The following KAZN variants were observed in gnomAD, a reference collection of about 807,000 sequenced individuals.
KAZN encodes the protein kazrin, periplakin interacting protein, also known as kazrin.
In KAZN, 40 loss-of-function variants were observed where a neutral mutation model predicts 87.4. The ratio of observed to expected loss-of-function variants is 0.46; its 90% CI spans 0.36 to 0.60. The LOEUF (loss-of-function observed/expected upper bound fraction) is 0.60, where lower values mean the gene tolerates loss of function less well. KAZN is among the 20% of genes least tolerant of loss of function. The pLI is 0.00. For missense variants in KAZN, 898 were observed against 1,073.9 expected (o/e 0.84, Z 2.29); for synonymous variants, 466 against 458.3 (o/e 1.02, Z -0.22).
intron 1 of KAZN, among the ~76,000 whole-genome samples, chr1:14,784,626 G>A (rs1257154225): frequency 2.0e-5 from 3 of 152,184 alleles, no homozygotes; most frequent in Non-Finnish European, 4.4e-5. Flanking sequence ...AAGCGTGGTG[G>A]CACATGCCTC....
intron 1 of KAZN, among the ~76,000 whole-genome samples, chr1:14,037,183 C>T (rs1641596958): frequency 6.6e-6 from 1 of 152,194 alleles, no homozygotes; most frequent in Admixed American, 6.5e-5. Context: ...GACCTCTCTC[C>T]ATGCCAGTAA....
chr1:13,910,843 G>A (rs998729744), intron 1 of KAZN, among the ~76,000 whole-genome samples: 3 of 152,034 alleles, frequency 2.0e-5, no homozygotes, highest in African/African-American at 7.2e-5. Flanking sequence ...CTGCTATAAA[G>A]AAATACCTGA....
At chr1:14,142,591 T>C (rs1645263922) in intron 1 of KAZN, among the ~76,000 whole-genome samples, 1 of 152,250 alleles carries the variant, frequency 6.6e-6, no homozygotes, top group Non-Finnish European at 1.5e-5. Context: ...CCAAGACTCC[T>C]GAGTGAAGGA....
intron 1 of KAZN, among the ~76,000 whole-genome samples, chr1:14,791,080 T>C (rs1220841230): frequency 6.6e-6 from 1 of 152,196 alleles, no homozygotes; most frequent in African/African-American, 2.4e-5. Context: ...TCCACTTCCT[T>C]GCTTGCTTAC....
intron 1 of KAZN, among the ~76,000 whole-genome samples, chr1:14,780,527 C>G (rs1645299746): frequency 6.6e-6 from 1 of 152,232 alleles, no homozygotes; most frequent in Non-Finnish European, 1.5e-5. Context: ...TCCGGTTTCT[C>G]TTCTGTCAAA....
intron 2 of KAZN, among the ~76,000 whole-genome samples, chr1:14,509,982 T>G (rs1290259349): frequency 6.8e-6 from 1 of 147,124 alleles, no homozygotes; most frequent in African/African-American, 2.4e-5. Flanking sequence ...GGGCTTAGTA[T>G]TGAAGGCCAG....
chr1:14,229,958 A>G (rs1284160636), intron 2 of KAZN, among the ~76,000 whole-genome samples: 1 of 152,230 alleles, frequency 6.6e-6, no homozygotes, highest in African/African-American at 2.4e-5. Context: ...TTCAGGCTCT[A>G]TTCTTCCTCC....
At chr1:14,913,309 T>C (rs557475251) in intron 1 of KAZN, among the ~76,000 whole-genome samples, 1 of 152,180 alleles carries the variant, frequency 6.6e-6, no homozygotes, top group Non-Finnish European at 1.5e-5. Flanking sequence ...GGTCAAGTCT[T>C]TAAAAACAAA....
intron 1 of KAZN, among the ~76,000 whole-genome samples, chr1:14,086,113 T>G (rs1643845824): frequency 6.6e-6 from 1 of 152,230 alleles, no homozygotes; most frequent in South Asian, 2.1e-4. Context: ...TTTCATACAA[T>G]TGAGTTTTAG....
intron 1 of KAZN, among the ~76,000 whole-genome samples, chr1:14,738,156 T>C (rs1643969363): frequency 6.6e-6 from 1 of 152,094 alleles, no homozygotes; most frequent in African/African-American, 2.4e-5. Context: ...CCCAGCTCCA[T>C]GTGATAAATG....
intron 1 of KAZN, chr1:13,893,770 C>T (rs1471365429): frequency 6.5e-7 from 1 of 1,550,032 alleles, no homozygotes; most frequent in African/African-American, 1.4e-5. Context: ...GGAATTGCGT[C>T]GTGTGTCATG....
At chr1:13,957,766 G>C (rs939400115) in intron 1 of KAZN, among the ~76,000 whole-genome samples, 1 of 152,078 alleles carries the variant, frequency 6.6e-6, no homozygotes, top group Non-Finnish European at 1.5e-5. Flanking sequence ...ACGCTCTGGG[G>C]GATGGCGTTA....
intron 2 of KAZN, among the ~76,000 whole-genome samples, chr1:14,435,757 T>C (rs574259797): frequency 4.1e-4 from 62 of 152,150 alleles, no homozygotes; most frequent in African/African-American, 1.4e-3. Flanking sequence ...GGCCTAACGA[T>C]ATCTTCGAAT....
chr1:14,225,463 A>G (rs1010396066), intron 2 of KAZN, among the ~76,000 whole-genome samples: 1 of 152,206 alleles, frequency 6.6e-6, no homozygotes, highest in East Asian at 1.9e-4. Flanking sequence ...GCCCAAAGCA[A>G]TTTACAGATT....
intron 2 of KAZN, among the ~76,000 whole-genome samples, chr1:14,506,908 G>T (rs989589510): frequency 1.3e-5 from 2 of 152,184 alleles, no homozygotes; most frequent in Non-Finnish European, 2.9e-5. Context: ...GAGGCTGTCT[G>T]TATTGGTTCC....
At chr1:14,791,965 A>G (rs1477598354) in intron 1 of KAZN, among the ~76,000 whole-genome samples, 1 of 152,206 alleles carries the variant, frequency 6.6e-6, no homozygotes, top group Non-Finnish European at 1.5e-5. Context: ...ACCTCGGTCA[A>G]TGCTGCGGGG....
At chr1:14,418,102 CAG>C (rs974401163) in intron 2 of KAZN, among the ~76,000 whole-genome samples, 1 of 135,036 alleles carries the variant, frequency 7.4e-6, no homozygotes, top group Non-Finnish European at 1.5e-5. Flanking sequence ...ATGATCCATA[CAG>C]AGTTACCAGT....
intron 2 of KAZN, among the ~76,000 whole-genome samples, chr1:14,411,977 ACTT>A (rs559807069): frequency 1.1e-3 from 165 of 152,284 alleles, no homozygotes; most frequent in African/African-American, 3.6e-3. Context: ...TGCCCCCTGT[ACTT>A]CTTCTGGTTG....
At chr1:14,209,299 G>A (rs562113498) in intron 2 of KAZN, among the ~76,000 whole-genome samples, 8 of 152,314 alleles carry the variant, frequency 5.3e-5, no homozygotes. Context: ...CCACCAGTTA[G>A]GTGACTTACT....
Sources: allele counts gnomAD v4.1 joint callset (sites outside exome capture counted in the v4.1 genomes callset), GRCh38; gene constraint gnomAD v4.1.1; transcripts MANE v1.5; gene names NCBI Gene and HGNC (gene_info 2026-07-23, HGNC 2026-07-21).